The following PACSIN1 variants were observed in gnomAD, a reference collection of about 807,000 sequenced individuals.
The protein encoded by PACSIN1 is protein kinase C and casein kinase substrate in neurons 1.
A neutral mutation model predicts 59.5 loss-of-function variants in PACSIN1; 15 were observed. The ratio of observed to expected loss-of-function variants is 0.25; its 90% CI spans 0.17 to 0.39. The LOEUF (loss-of-function observed/expected upper bound fraction) is 0.39, where lower values mean the gene tolerates loss of function less well. PACSIN1 is among the 10% of genes least tolerant of loss of function. PACSIN1 has a pLI of 1.00. For synonymous variants in PACSIN1, 210 were observed against 220.6 expected, an observed-to-expected ratio of 0.95 and a Z score of 0.42; for missense variants, 420 against 580.2, an observed-to-expected ratio of 0.72 and a Z score of 2.84.
chr6:34,515,656 T>C lies in PACSIN1; in HGVS notation c.-63-10587T>C, dbSNP rs1767278863. Reference sequence around the variant, plus strand: ...CCCTTCCTCGTTCTCCCTGGAGACTTAGTGAACTGTCCCCAATCCCAGATC... The same window carrying C: ...CCCTTCCTCGTTCTCCCTGGAGACTCAGTGAACTGTCCCCAATCCCAGATC... On this transcript the variant is annotated intron_variant, in intron 1 of 9. Transcript: ENST00000244458. This position sits in a 1 kb window ranked among gnomAD's most constrained non-coding sequence, Gnocchi z 4.4. Among the ~76,000 whole-genome samples, 1 of 152,126 alleles carries C rather than the reference T, an allele frequency of 6.6e-6. No individual in the cohort carries two copies. Among genetic ancestry groups the C allele is most frequent in the Non-Finnish European group, 1.5e-5 (1 of 68,020 alleles).
intron 1 of PACSIN1, among the ~76,000 whole-genome samples, chr6:34,484,043 TG>T (rs1249793175): frequency 6.6e-6 from 1 of 152,162 alleles, no homozygotes; most frequent in Middle Eastern, 3.2e-3. Flanking sequence ...AGGTGGCACC[TG>T]GACAGATTGT....
At position 34,531,797 on chromosome 6, in the gene PACSIN1, C is replaced by T; in HGVS notation, c.1225+10C>T. On this transcript the variant is annotated intron_variant, in intron 9 of 9. Coordinates refer to ENST00000244458, the MANE Select transcript of PACSIN1 (RefSeq NM_020804.5). This position sits in a 1 kb window ranked among gnomAD's most constrained non-coding sequence, Gnocchi z 4.4. ...CTCAGCTTTAAGGCCGGTAGGACGG[C>T]TGGGCGGGGCAGTGCCTGAGAGAGG... 3 of 1,548,910 alleles carry T rather than the reference C, an allele frequency of 1.9e-6. No homozygotes were observed. The highest frequency in any genetic ancestry group is 1.9e-5 in the Admixed American group (1 of 52,366).
chr6:34,527,662 T>G, intron 3 of PACSIN1, 174 bp downstream of exon 3: 2 of 435,372 alleles, frequency 4.6e-6, no homozygotes, highest in East Asian at 3.5e-5. Context: ...TCATCTCTAT[T>G]TTGTACAATT....
intron 1 of PACSIN1, among the ~76,000 whole-genome samples, chr6:34,481,448 C>G (rs1189353404): frequency 1.3e-5 from 2 of 151,996 alleles, no homozygotes; most frequent in Non-Finnish European, 2.9e-5. Flanking sequence ...TTAGGGAGGC[C>G]GAGGCGGGAG....
chr6:34,522,452 T>C (rs1223627847), intron 1 of PACSIN1, among the ~76,000 whole-genome samples: 1 of 152,242 alleles, frequency 6.6e-6, no homozygotes, highest in East Asian at 1.9e-4. Flanking sequence ...GTGTGCGCTC[T>C]GGATCCAGAC....
chr6:34,501,384 C>A (rs563945432), intron 1 of PACSIN1, among the ~76,000 whole-genome samples: 1 of 152,010 alleles, frequency 6.6e-6, no homozygotes, highest in Admixed American at 6.6e-5. Context: ...TCTGGTCCAA[C>A]CCCCTCAGTT....
intron 1 of PACSIN1, among the ~76,000 whole-genome samples, chr6:34,470,408 T>C (rs1178075792): frequency 1.3e-5 from 2 of 152,126 alleles, no homozygotes; most frequent in African/African-American, 2.4e-5. Context: ...CTTGAACTCC[T>C]GACCTCGTGA....
Position 34,529,967 on chromosome 6 carries a change from G to T in PACSIN1, c.788+126G>T. 8.8e-7 allele frequency: 1 copy of T among 1,133,028 alleles called. No individual in the cohort carries two copies. The allele number at this position is 1,133,028 out of a possible 1,614,324, so 70.2% of individuals were successfully genotyped here. On this transcript the variant is annotated intron_variant, in intron 6 of 9. Transcript: ENST00000244458. This position sits in a 1 kb window ranked among gnomAD's most constrained non-coding sequence, Gnocchi z 6.3. ...GAGGCAGAGCTGCAGGGGTCAAGAA[G>T]GATGAGGCTTCAAACACAGGGGCTG...
rs150362769 is a variant in PACSIN1, at chr6:34,508,134, G to A, written c.-63-18109G>A. On this transcript the variant is annotated intron_variant, in intron 1 of 9. Transcript: ENST00000244458. ...GTTTGTTTGTTTGAGACGGAGTTTC[G>A]CTCTTGTTGCCCCAGCTGGAGTCCA... Among the ~76,000 whole-genome samples the A allele has an allele frequency of 2.4e-3, 372 of 152,192 alleles. 1 individual carries two copies. Among genetic ancestry groups the A allele is most frequent in the African/African-American group, 8.4e-3 (350 of 41,510 alleles).
intron 1 of PACSIN1, among the ~76,000 whole-genome samples, chr6:34,467,213 GCTTCC>G (rs1348855831): frequency 6.6e-6 from 1 of 152,174 alleles, no homozygotes; most frequent in East Asian, 1.9e-4. Context: ...CCCTCCAGCA[GCTTCC>G]CTGATACCCC....
chr6:34,477,485 C>G (rs973291735), intron 1 of PACSIN1, among the ~76,000 whole-genome samples: 1 of 152,096 alleles, frequency 6.6e-6, no homozygotes, highest in Non-Finnish European at 1.5e-5. Context: ...AACAGGCATT[C>G]CCTGCAACAG....
At chr6:34,491,067 C>CCGACTCAT (rs1766869249) in intron 1 of PACSIN1, among the ~76,000 whole-genome samples, 1 of 152,120 alleles carries the variant, frequency 6.6e-6, no homozygotes, top group South Asian at 2.1e-4. Context: ...CTTGACGCAG[C>CCGACTCAT]CGACTCATCG....
rs1767540701 is a variant in PACSIN1 at position 34,529,072 on chromosome 6, A to T, written c.456+195A>T. ...CAGTGCCCATTGGGTAAGGAGACCC[A>T]TGGGCAAAAAGGGGCACTGTCCCCA... On this transcript the variant is annotated intron_variant, in intron 4 of 9. Transcript: ENST00000244458. This position sits in a 1 kb window ranked among gnomAD's most constrained non-coding sequence, Gnocchi z 6.3. Among the ~76,000 whole-genome samples the T allele has an allele frequency of 6.6e-6, 1 of 152,128 alleles. No individual in the cohort carries two copies. The highest frequency in any genetic ancestry group is 2.1e-4 in the South Asian group (1 of 4,830).
rs1018907836 is a variant in PACSIN1 at position 34,518,026 on chromosome 6, A to AC, written c.-63-8215dup. 5.9e-5 allele frequency among the ~76,000 whole-genome samples: 9 copies of AC among 152,142 alleles called. No individual in the cohort carries two copies. The East Asian group carries it at 1.7e-3, about 29-fold the overall frequency. On this transcript the variant is annotated intron_variant, in intron 1 of 9. Coordinates refer to ENST00000244458, the MANE Select transcript of PACSIN1 (RefSeq NM_020804.5). This position sits in a 1 kb window ranked among gnomAD's most constrained non-coding sequence, Gnocchi z 4.4. ...TCACAGGGGAAGATGATGCCCACCTACCTGAGCCATTGCCTCAGGGACATT... is the reference window on the plus strand; with the variant it reads ...TCACAGGGGAAGATGATGCCCACCTACCCTGAGCCATTGCCTCAGGGACATT...
chr6:34,532,385 T>C lies in PACSIN1; in HGVS notation c.1226-36T>C, dbSNP rs1767616359. The stretch of plus-strand genomic sequence containing the variant: ...CCGGTGCGTTGAGGGAGGGGCAGCC[T>C]TCTCTCTGAGCCCCTCCCTGTGTTC... On this transcript the variant is annotated intron_variant, in intron 9 of 9. Transcript: ENST00000244458. The surrounding 1 kb of genome is among the most constrained non-coding windows in gnomAD (Gnocchi z 5.2). The C allele has an allele frequency of 7.1e-7, 1 of 1,407,348 alleles. No homozygotes were observed. 87.2% of individuals were successfully genotyped at this position (1,407,348 alleles called of 1,614,324 possible). A position where few individuals can be genotyped will look rare whatever the true frequency, so the allele number is the denominator to read the frequency against.
rs1371300919 is a variant in PACSIN1 at position 34,527,241 on chromosome 6, G to A, written c.64-91G>A. 32 of 1,268,858 alleles carry A rather than the reference G, an allele frequency of 2.5e-5. No individual in the cohort carries two copies. The South Asian group carries it at 5.5e-4, about 22-fold the overall frequency. 78.6% of individuals were successfully genotyped at this position (1,268,858 alleles called of 1,614,324 possible). A position where few individuals can be genotyped will look rare whatever the true frequency, so the allele number is the denominator to read the frequency against. Reference sequence around the variant, plus strand: ...AGGCCGTAAGCGGGGAGGCGGGGCGGAAGACAGTGGGCGTGGCCGTGCTGG... The same window carrying A: ...AGGCCGTAAGCGGGGAGGCGGGGCGAAAGACAGTGGGCGTGGCCGTGCTGG... On this transcript the variant is annotated intron_variant, in intron 2 of 9. Coordinates refer to ENST00000244458, the MANE Select transcript of PACSIN1 (RefSeq NM_020804.5).
intron 1 of PACSIN1, among the ~76,000 whole-genome samples, chr6:34,512,736 T>C (rs1767224783): frequency 6.6e-6 from 1 of 152,250 alleles, no homozygotes. Flanking sequence ...CATCCTGCCT[T>C]TGATCTAAGG....
At position 34,497,633 on chromosome 6, in the gene PACSIN1, A is replaced by G. The variant is rs187037906; in HGVS notation, c.-63-28610A>G. On this transcript the variant is annotated intron_variant, in intron 1 of 9. Transcript: ENST00000244458. ...ATTCTGTGAACAGACAACCTGCCCC[A>G]CACTGTCCATCACTCTGTTGCCATC... Among the ~76,000 whole-genome samples, 407 of 152,160 alleles carry G rather than the reference A, an allele frequency of 2.7e-3. 1 individual carries two copies. Among genetic ancestry groups the G allele is most frequent in the African/African-American group, 9.3e-3 (386 of 41,520 alleles).
At chr6:34,496,941 C>CTTTG (rs1766956027) in intron 1 of PACSIN1, among the ~76,000 whole-genome samples, 1 of 100,806 alleles carries the variant, frequency 9.9e-6, no homozygotes, top group African/African-American at 4.0e-5. Context: ...CTCTCTCTCT[C>CTTTG]TTTTTTTTTT....
Sources: gnomAD v4.1 joint callset for allele counts (sites outside exome capture counted in the v4.1 genomes callset) on GRCh38, gnomAD v4.1.1 for gene constraint, Gnocchi (gnomAD v3.1) non-coding constraint, MANE v1.5 for transcripts, NCBI Gene and HGNC (gene_info 2026-07-23, HGNC 2026-07-21) for gene names.